PIEZO2: variants seen among roughly 807,000 people sequenced by gnomAD.
The protein encoded by PIEZO2 is piezo type mechanosensitive ion channel component 2.
PIEZO2 carries 172 observed loss-of-function variants against 337.3 expected under a neutral mutation model. The observed-to-expected ratio is 0.51, with a 90% CI of 0.45 to 0.58. The LOEUF (loss-of-function observed/expected upper bound fraction) is 0.58. Ranked by LOEUF, PIEZO2 falls within the 20% of genes least tolerant of loss-of-function variation. PIEZO2 has a pLI of 0.00. For missense variants in PIEZO2, 3,028 were observed against 3,391.3 expected (o/e 0.89, Z 2.66); for synonymous variants, 1,251 against 1,228.5 (o/e 1.02, Z -0.38).
chr18:10,699,080 G>A lies in PIEZO2; in HGVS notation c.6539C>T (p.Ser2180Phe), dbSNP rs2035223627. Residue 2180 changes from serine (S) to phenylalanine (F), a missense_variant, in exon 44 of 56, where the codon TCC becomes TTC. By Grantham distance (155) the Ser-to-Phe change is radical (BLOSUM62 -2). Coordinates refer to ENST00000674853, the MANE Select transcript of PIEZO2 (RefSeq NM_001378183.1). ...ELSLGHGRRD[S>F]SDSLKSINLA... is the part of the protein sequence containing the mutation. ...GTTGATGGACTTGAGAGAATCGGAG[G>A]AGTCCCTCCTGCCATGACCGAGGGA... 1 of 1,537,212 alleles carries A rather than the reference G, an allele frequency of 6.5e-7. No homozygotes were observed. The highest frequency in any genetic ancestry group is 8.7e-7 in the Non-Finnish European group (1 of 1,146,910).
rs1304598721 is a variant in PIEZO2, at chr18:11,102,390, TCTC to T, written c.65-36171_65-36169del. On this transcript the variant is annotated intron_variant, in intron 1 of 55. Transcript: ENST00000674853. The surrounding 1 kb of genome is among the most constrained non-coding windows in gnomAD (Gnocchi z 5.7). ...AATCTCAATTTACAAAGTAGAATGG[TCTC>T]CTCCTGTCAGTGGGCAAAACCCTGA... 9.2e-5 allele frequency among the ~76,000 whole-genome samples: 14 copies of T among 152,152 alleles called. No homozygotes were observed. The highest frequency in any genetic ancestry group is 2.9e-5 in the Non-Finnish European group (2 of 68,044).
In PIEZO2 at chr18:10,888,633, T is replaced by C. The variant is rs530246955; in HGVS notation, c.330-17218A>G. 1.5e-3 allele frequency among the ~76,000 whole-genome samples: 231 copies of C among 152,192 alleles called. No homozygotes were observed. The highest frequency in any genetic ancestry group is 5.2e-3 in the African/African-American group (216 of 41,528). On this transcript the variant is annotated intron_variant, in intron 4 of 55. Coordinates refer to ENST00000674853, the MANE Select transcript of PIEZO2 (RefSeq NM_001378183.1). The surrounding 1 kb of genome is among the most constrained non-coding windows in gnomAD (Gnocchi z 4.1). ...TGTATCTGTGTTTTTAAAACCCACGTGTTCATTCTGGTACTTTCAACTTGA... is the reference window on the plus strand; with the variant it reads ...TGTATCTGTGTTTTTAAAACCCACGCGTTCATTCTGGTACTTTCAACTTGA...
rs919790699 is a variant in PIEZO2 at position 11,131,052 on chromosome 18, G to A, written c.64+17473C>T. Among the ~76,000 whole-genome samples the A allele has an allele frequency of 1.3e-5, 2 of 152,196 alleles. No homozygotes were observed. Among genetic ancestry groups the A allele is most frequent in the African/African-American group, 4.8e-5 (2 of 41,454 alleles). ...GGTGAATCACAGCAAAGGCCTCTAGGATTTTGGAGCAAGGCCCTGCCACCT... is the reference window on the plus strand; with the variant it reads ...GGTGAATCACAGCAAAGGCCTCTAGAATTTTGGAGCAAGGCCCTGCCACCT... On this transcript the variant is annotated intron_variant, in intron 1 of 55. Coordinates refer to ENST00000674853, the MANE Select transcript of PIEZO2 (RefSeq NM_001378183.1). The surrounding 1 kb of genome is among the most constrained non-coding windows in gnomAD (Gnocchi z 5.3).
chr18:10,689,694 A>C lies in PIEZO2; in HGVS notation c.7458T>G (p.Ala2486=). 1.9e-6 allele frequency: 3 copies of C among 1,614,262 alleles called. No individual in the cohort carries two copies. The highest frequency in any genetic ancestry group is 1.3e-5 in the African/African-American group (1 of 75,078). The change falls in exon 49 of 56, where the codon GCT becomes GCG. Residue 2486 remains alanine, a synonymous_variant. Transcript: ENST00000674853. ...SSWICVEDIY[A]HIFILKCWRE... is the part of the protein sequence containing the mutation. ...GCCAACACTTCAGGATGAATATGTG[A>C]GCATAGATGTCCTCCACACAGATCC...
chr18:11,029,417 C>T (rs2036650205), intron 2 of PIEZO2, among the ~76,000 whole-genome samples: 1 of 152,136 alleles, frequency 6.6e-6, no homozygotes, highest in Non-Finnish European at 1.5e-5. Flanking sequence ...GAAGTGTGCC[C>T]TTTTCTCTAT....
At chr18:10,866,504 C>T (rs186434589) in intron 5 of PIEZO2, among the ~76,000 whole-genome samples, 2 of 152,258 alleles carry the variant, frequency 1.3e-5, no homozygotes, top group South Asian at 4.1e-4. Flanking sequence ...CCAGGATGGT[C>T]TCAATATCCC....
chr18:11,140,481 CT>C (rs1193348611), intron 1 of PIEZO2, among the ~76,000 whole-genome samples: 1 of 152,252 alleles, frequency 6.6e-6, no homozygotes, highest in Admixed American at 6.5e-5. Context: ...TTCCCACACA[CT>C]TTCCTCTAAT....
rs963424513 is a variant in PIEZO2, at chr18:11,101,094, T to C, written c.65-34872A>G. 4.6e-5 allele frequency among the ~76,000 whole-genome samples: 7 copies of C among 152,200 alleles called. No individual in the cohort carries two copies. The highest frequency in any genetic ancestry group is 7.3e-5 in the Non-Finnish European group (5 of 68,028). On this transcript the variant is annotated intron_variant, in intron 1 of 55. Transcript: ENST00000674853. The surrounding 1 kb of genome is among the most constrained non-coding windows in gnomAD (Gnocchi z 4.4). The stretch of plus-strand genomic sequence containing the variant: ...ATCCCCAGGGGACAGATGAGTCCCA[T>C]GTGGCCAGAGTCTGGTTCAGATGTT...
chr18:10,949,874 G>A (rs896078317), intron 3 of PIEZO2, among the ~76,000 whole-genome samples: 1 of 152,162 alleles, frequency 6.6e-6, no homozygotes, highest in African/African-American at 2.4e-5. Flanking sequence ...TAACAAGACC[G>A]ATAAGCAGAA....
At position 10,833,371 on chromosome 18, in the gene PIEZO2, G is replaced by T. The variant is rs1478807906; in HGVS notation, c.917+21982C>A. Among the ~76,000 whole-genome samples the T allele has an allele frequency of 6.6e-6, 1 of 152,036 alleles. No individual in the cohort carries two copies. The highest frequency in any genetic ancestry group is 1.5e-5 in the Non-Finnish European group (1 of 67,984). ...AGCCCACTGTGACACCTGCAGCCTCGCCCTCTCCTGTTGGAATCATGTGGG... is the reference window on the plus strand; with the variant it reads ...AGCCCACTGTGACACCTGCAGCCTCTCCCTCTCCTGTTGGAATCATGTGGG... On this transcript the variant is annotated intron_variant, in intron 7 of 55. Coordinates refer to ENST00000674853, the MANE Select transcript of PIEZO2 (RefSeq NM_001378183.1). The surrounding 1 kb of genome is among the most constrained non-coding windows in gnomAD (Gnocchi z 4.7).
rs143494412 is a variant in PIEZO2 at position 11,033,106 on chromosome 18, A to T, written c.160+33021T>A. 6.6e-6 allele frequency among the ~76,000 whole-genome samples: 1 copy of T among 152,264 alleles called. No individual in the cohort carries two copies. The highest frequency in any genetic ancestry group is 1.5e-5 in the Non-Finnish European group (1 of 68,014). Reference sequence around the variant, plus strand: ...GACAAGAGGAGAGAAACAATAATAGACAGCACCTTTTGAGCATTTACCGTG... The same window carrying T: ...GACAAGAGGAGAGAAACAATAATAGTCAGCACCTTTTGAGCATTTACCGTG... On this transcript the variant is annotated intron_variant, in intron 2 of 55. Transcript: ENST00000674853. This position sits in a 1 kb window ranked among gnomAD's most constrained non-coding sequence, Gnocchi z 4.2.
In PIEZO2 at chr18:10,748,521, A is replaced by G; in HGVS notation, c.4374T>C (p.Tyr1458=). 1 of 1,537,136 alleles carries G rather than the reference A, an allele frequency of 6.5e-7. No homozygotes were observed. Among genetic ancestry groups the G allele is most frequent in the Non-Finnish European group, 8.7e-7 (1 of 1,146,862 alleles). ...TTATATCAGCCACAACATGTAGAAA[A>G]TAATAACTCATGAAAACTCTTCTTT... ...LLQRRVFMSY[Y]FLHVVADIKA... Residue 1458 remains tyrosine (Y), a synonymous_variant, in exon 30 of 56, where the codon TAT becomes TAC. Coordinates refer to ENST00000674853, the MANE Select transcript of PIEZO2 (RefSeq NM_001378183.1). The surrounding 1 kb of genome is among the most constrained non-coding windows in gnomAD (Gnocchi z 5.1).
chr18:10,802,980 A>AT (rs1229933570), intron 9 of PIEZO2, among the ~76,000 whole-genome samples: 2 of 151,716 alleles, frequency 1.3e-5, no homozygotes, highest in African/African-American at 4.9e-5. Flanking sequence ...GCCAAAAAAA[A>AT]AAAAAAAAGG....
At chr18:10,941,702 A>G (rs2032733151) in intron 3 of PIEZO2, among the ~76,000 whole-genome samples, 1 of 152,236 alleles carries the variant, frequency 6.6e-6, no homozygotes. Context: ...AAAAGTAACA[A>G]CTGAGAGTTA....
rs979854158 is a variant in PIEZO2 at position 10,766,957 on chromosome 18, T to TTTCC, written c.2946+3187_2946+3190dup. 1.3e-5 allele frequency among the ~76,000 whole-genome samples: 2 copies of TTTCC among 151,488 alleles called. No individual in the cohort carries two copies. The highest frequency in any genetic ancestry group is 2.1e-4 in the South Asian group (1 of 4,802). On this transcript the variant is annotated intron_variant, in intron 21 of 55. Coordinates refer to ENST00000674853, the MANE Select transcript of PIEZO2 (RefSeq NM_001378183.1). The surrounding 1 kb of genome is among the most constrained non-coding windows in gnomAD (Gnocchi z 6.1). Reference sequence around the variant, plus strand: ...AGGAGAAACCTCAGGTCTGCAAAAGTTTCCTTCCTTCCTTCCTCCCACCTT... The same window carrying TTTCC: ...AGGAGAAACCTCAGGTCTGCAAAAGTTTCCTTCCTTCCTTCCTTCCTCCCACCTT...
intron 3 of PIEZO2, among the ~76,000 whole-genome samples, chr18:10,934,520 T>C (rs1598714502): frequency 6.6e-6 from 1 of 152,312 alleles, no homozygotes. Context: ...TATTTTTAAA[T>C]TTCAGAGAGC....
At chr18:10,959,912 C>A (rs55897224) in intron 3 of PIEZO2, among the ~76,000 whole-genome samples, 48 of 152,276 alleles carry the variant, frequency 3.2e-4, no homozygotes, top group Non-Finnish European at 6.5e-4. Context: ...GAAATAGAGA[C>A]AGCTCTTATT....
chr18:10,979,439 C>T lies in PIEZO2; in HGVS notation c.286+96G>A. ...CATGAATTTTATAATTTAATTATTG[C>T]ATAGATTTCTATGTGTGCGATGACA... On this transcript the variant is annotated intron_variant, in intron 3 of 55. Transcript: ENST00000674853. The surrounding 1 kb of genome is among the most constrained non-coding windows in gnomAD (Gnocchi z 4.0). 8.2e-7 allele frequency: 1 copy of T among 1,213,834 alleles called. No individual in the cohort carries two copies. The highest frequency in any genetic ancestry group is 2.7e-5 in the East Asian group (1 of 36,538). 75.2% of individuals were successfully genotyped at this position (1,213,834 alleles called of 1,614,324 possible).
chr18:11,088,524 A>T (rs79661942), intron 1 of PIEZO2, among the ~76,000 whole-genome samples: 1 of 148,258 alleles, frequency 6.7e-6, no homozygotes, highest in African/African-American at 2.5e-5. Context: ...CTAGTTTTTT[A>T]AATTCTTTGA....
Sources: gnomAD v4.1 joint callset for allele counts (sites outside exome capture counted in the v4.1 genomes callset) on GRCh38, gnomAD v4.1.1 for gene constraint, Gnocchi (gnomAD v3.1) non-coding constraint, MANE v1.5 for transcripts, NCBI Gene and HGNC (gene_info 2026-07-23, HGNC 2026-07-21) for gene names.